The following ZYG11A variants were observed in gnomAD, a reference collection of about 807,000 sequenced individuals.
ZYG11A encodes zyg-11 family member A, cell cycle regulator.
In ZYG11A, 62 loss-of-function variants were observed where a neutral mutation model predicts 77.2. The observed-to-expected ratio is 0.80, with a 90% confidence interval of 0.65 to 0.99. The LOEUF (loss-of-function observed/expected upper bound fraction) is 0.99. Ranked by LOEUF, ZYG11A falls within the 50% of genes least tolerant of loss-of-function variation. The probability of loss-of-function intolerance (pLI) is 0.00; values close to 1 mark genes in which losing one functional copy is unlikely to be tolerated. For synonymous variants in ZYG11A, 315 were observed against 324.6 expected (o/e 0.97, Z 0.32); for missense variants, 828 against 896.8 (o/e 0.92, Z 0.98).
At chr1:52,861,652 C>T (rs1284462814) in intron 4 of ZYG11A, among the ~76,000 whole-genome samples, 1 of 151,752 alleles carries the variant, frequency 6.6e-6, no homozygotes, top group Admixed American at 6.6e-5. Context: ...TGCAGTGAGC[C>T]GAGATTGTGC....
intron 8 of ZYG11A, among the ~76,000 whole-genome samples, chr1:52,869,550 C>G (rs554047820): frequency 6.6e-6 from 1 of 151,894 alleles, no homozygotes; most frequent in African/African-American, 2.4e-5. Context: ...TCAGAGAGCA[C>G]AGGGTTGGGG....
chr1:52,884,105 C>G (rs1353918964), intron 11 of ZYG11A, among the ~76,000 whole-genome samples: 1 of 152,008 alleles, frequency 6.6e-6, no homozygotes, highest in Non-Finnish European at 1.5e-5. Context: ...GTCTCCAACT[C>G]CTGACCTTAG....
intron 1 of ZYG11A, among the ~76,000 whole-genome samples, chr1:52,853,299 G>C (rs1645748549): frequency 6.6e-6 from 1 of 152,188 alleles, no homozygotes; most frequent in East Asian, 1.9e-4. Context: ...TCATGAGTCA[G>C]GGACTATCTG....
chr1:52,893,684 G>A lies in ZYG11A; in HGVS notation c.*727G>A, dbSNP rs1646581373. ...GGAGGCTGAGGTGGGAGGACCACTT[G>A]AGCCCAGGAGGCAGAGGTTGCAGTG... On this transcript the variant is annotated 3_prime_UTR_variant, in exon 14 of 14. Transcript: ENST00000371528. 1 of 152,142 alleles carries A rather than the reference G, an allele frequency of 6.6e-6. No individual in the cohort carries two copies. Among genetic ancestry groups the A allele is most frequent in the Non-Finnish European group, 1.5e-5 (1 of 68,114 alleles). The allele number at this position is 152,142 out of a possible 1,614,324, so 9.4% of individuals were successfully genotyped here.
chr1:52,866,517 T>C lies in ZYG11A; in HGVS notation c.1341T>C (p.Cys447=). 1 of 1,526,122 alleles carries C rather than the reference T, an allele frequency of 6.6e-7. No homozygotes were observed. Among genetic ancestry groups the C allele is most frequent in the South Asian group, 1.2e-5 (1 of 83,212 alleles). 94.5% of individuals were successfully genotyped at this position (1,526,122 alleles called of 1,614,324 possible). The change falls in exon 6 of 14, where the codon TGT becomes TGC. Residue 447 remains cysteine (C), a synonymous_variant. Transcript: ENST00000371528. The part of the protein sequence containing the change: ...FPHYQQLQKN[C]LLSLTNSRIL... ...TTCTCTAAAAGTTACAGAAGAATTG[T>C]CTTCTCTCCTTAACCAATTCCAGGA...
chr1:52,850,754 T>C (rs1645693848), intron 1 of ZYG11A, among the ~76,000 whole-genome samples: 1 of 152,192 alleles, frequency 6.6e-6, no homozygotes, highest in Non-Finnish European at 1.5e-5. Flanking sequence ...ATGTCTGGCC[T>C]GGTGTATTTT....
At chr1:52,850,824 A>G (rs898562224) in intron 1 of ZYG11A, among the ~76,000 whole-genome samples, 6 of 151,728 alleles carry the variant, frequency 4.0e-5, no homozygotes, top group Non-Finnish European at 8.8e-5. Context: ...TGTTGATTCC[A>G]TATTTGTTCT....
chr1:52,872,352 C>T (rs961708561), intron 8 of ZYG11A, among the ~76,000 whole-genome samples: 3 of 152,056 alleles, frequency 2.0e-5, no homozygotes, highest in South Asian at 4.1e-4. Flanking sequence ...AATCCACCCT[C>T]CTTGGTCTCC....
chr1:52,842,792 C>G lies in ZYG11A; in HGVS notation c.-92C>G. 8.1e-7 allele frequency: 1 copy of G among 1,240,522 alleles called. No homozygotes were observed. Among genetic ancestry groups the G allele is most frequent in the South Asian group, 1.4e-5 (1 of 73,380 alleles). The allele number at this position is 1,240,522 out of a possible 1,614,324, so 76.8% of individuals were successfully genotyped here. A position where few individuals can be genotyped will look rare whatever the true frequency, so the allele number is the denominator to read the frequency against. ...CCGTGTGCCTCGCAGGCGTGGTGGG[C>G]GCGTCCTGGCAGCCGCCCGCTTGGT... On this transcript the variant is annotated 5_prime_UTR_variant, in exon 1 of 14. Transcript: ENST00000371528.
At chr1:52,885,922 CTT>C (rs752090792) in intron 12 of ZYG11A, 28 bp downstream of exon 12, 6 of 1,368,048 alleles carry the variant, frequency 4.4e-6, no homozygotes, top group Admixed American at 2.8e-5. Context: ...TGCTTTTCTT[CTT>C]TTTTTTTTCT....
At chr1:52,872,441 A>G (rs1646184155) in intron 8 of ZYG11A, among the ~76,000 whole-genome samples, 2 of 152,134 alleles carry the variant, frequency 1.3e-5, no homozygotes, top group Non-Finnish European at 1.5e-5. Flanking sequence ...TTGATAATAC[A>G]CCAGCCACCC....
intron 8 of ZYG11A, among the ~76,000 whole-genome samples, chr1:52,869,950 C>G (rs1486555808): frequency 2.1e-5 from 3 of 143,172 alleles, no homozygotes; most frequent in Middle Eastern, 3.7e-3. Context: ...GGTGGCTGGC[C>G]GGGCGGGGGG....
chr1:52,863,945 T>C (rs1380695567), intron 4 of ZYG11A, 36 bp from the exon 5 acceptor site: 4 of 1,520,082 alleles, frequency 2.6e-6, no homozygotes, highest in East Asian at 2.5e-5. Context: ...AGAATGTTAC[T>C]GGCATCATAT....
At position 52,856,455 on chromosome 1, in the gene ZYG11A, C is replaced by CA. The variant is rs57138221; in HGVS notation, c.257-520dup. 3.0e-3 allele frequency among the ~76,000 whole-genome samples: 315 copies of CA among 103,978 alleles called. 4 individuals are homozygous for CA. The highest frequency in any genetic ancestry group is 0.02 in the East Asian group (57 of 2,916). The allele number at this position is 103,978 out of a possible 152,430, so 68.2% of individuals were successfully genotyped here. ...TGGGTGACAGAGCAAGACTCCATCT[C>CA]AAAAAAAAAAAAAAAAAAAAAAATA... On this transcript the variant is annotated intron_variant, in intron 2 of 13. Coordinates refer to ENST00000371528, the MANE Select transcript of ZYG11A (RefSeq NM_001004339.3).
intron 10 of ZYG11A, among the ~76,000 whole-genome samples, chr1:52,878,367 C>T (rs185138160): frequency 2.6e-5 from 4 of 152,206 alleles, no homozygotes; most frequent in South Asian, 2.1e-4. Flanking sequence ...TACCAGCTGG[C>T]GGGCTTTGTG....
intron 8 of ZYG11A, among the ~76,000 whole-genome samples, chr1:52,870,288 A>G (rs1381035004): frequency 6.8e-6 from 1 of 147,806 alleles, no homozygotes; most frequent in African/African-American, 2.5e-5. Flanking sequence ...GGGGCTCCTC[A>G]CATCCCAGAC....
intron 1 of ZYG11A, among the ~76,000 whole-genome samples, chr1:52,844,859 G>A (rs997001777): frequency 6.6e-6 from 1 of 151,834 alleles, no homozygotes; most frequent in East Asian, 1.9e-4. Flanking sequence ...CCTACAGCCT[G>A]GCCAAAGTCA....
rs1042997830 is a variant in ZYG11A at position 52,892,775 on chromosome 1, C to T, written c.2105-7C>T. ...CCATGGAGTGTCTCTGCTTGATTTTCTTTCAGCCAGCAAATACTGCAAAAT... is the reference window on the plus strand; with the variant it reads ...CCATGGAGTGTCTCTGCTTGATTTTTTTTCAGCCAGCAAATACTGCAAAAT... On this transcript the variant is annotated splice_region_variant and splice_polypyrimidine_tract_variant and intron_variant, in intron 13 of 13. Transcript: ENST00000371528. The T allele has an allele frequency of 5.8e-6, 9 of 1,551,232 alleles. No homozygotes were observed. In the East Asian group the frequency reaches 2.2e-4, roughly 38 times the overall value.
chr1:52,853,178 C>A (rs775737585), intron 1 of ZYG11A, among the ~76,000 whole-genome samples: 1 of 152,208 alleles, frequency 6.6e-6, no homozygotes, highest in Non-Finnish European at 1.5e-5. Flanking sequence ...CTGCAGCTCA[C>A]TCTGCTGACC....
Sources: gnomAD v4.1 joint callset for allele counts (sites outside exome capture counted in the v4.1 genomes callset) on GRCh38, gnomAD v4.1.1 for gene constraint, MANE v1.5 for transcripts, NCBI Gene and HGNC (gene_info 2026-07-23, HGNC 2026-07-21) for gene names.